The following TNPO3 variants were observed in gnomAD, a reference collection of about 807,000 sequenced individuals.
TNPO3 encodes the protein transportin-3.
A neutral mutation model predicts 122.8 loss-of-function variants in TNPO3; 65 were observed. That is an observed-to-expected ratio of 0.53 (90% CI 0.43 to 0.65). TNPO3 has a LOEUF of 0.65. Among genes scored for constraint, TNPO3 ranks in the 30% least tolerant of loss-of-function variants. TNPO3 has a pLI of 0.00. For synonymous variants in TNPO3, 372 were observed against 411.2 expected (o/e 0.90, Z 1.15); for missense variants, 850 against 1,136.7 (o/e 0.75, Z 3.63).
At chr7:129,024,158 G>A (rs972894458) in intron 1 of TNPO3, among the ~76,000 whole-genome samples, 2 of 152,110 alleles carry the variant, frequency 1.3e-5, no homozygotes, top group Non-Finnish European at 2.9e-5. Flanking sequence ...CTTCTGCCTT[G>A]GTATCCTGAA....
chr7:128,977,316 T>C (rs1027948499), intron 16 of TNPO3, among the ~76,000 whole-genome samples: 1 of 152,222 alleles, frequency 6.6e-6, no homozygotes. Context: ...TATCAAGTTG[T>C]AGTAGACCCA....
chr7:128,959,292 C>T (rs771676876), intron 21 of TNPO3, among the ~76,000 whole-genome samples: 3 of 152,114 alleles, frequency 2.0e-5, no homozygotes, highest in Non-Finnish European at 2.9e-5. Context: ...TGCTGGAGAC[C>T]GAGATTTTTT....
Position 128,972,445 on chromosome 7 carries a change from T to C in TNPO3, c.2411A>G (p.His804Arg). 5.0e-6 allele frequency: 8 copies of C among 1,613,752 alleles called. No individual in the cohort carries two copies. The highest frequency in any genetic ancestry group is 6.8e-6 in the Non-Finnish European group (8 of 1,179,860). ...SVMRFLRDLI[H>R]TGVANDHEED... ...ACTTACATCATTGGCTACCCCTGTA[T>C]GAATGAGGTCTCGTAGAAACCTCAT... The change falls in exon 19 of 23, where the codon CAT (histidine) becomes CGT (arginine). Residue 804 changes from histidine to arginine, a missense_variant. Transcript: ENST00000265388.
At chr7:129,052,813 A>G (rs1808935115) in intron 1 of TNPO3, among the ~76,000 whole-genome samples, 1 of 152,222 alleles carries the variant, frequency 6.6e-6, no homozygotes, top group African/African-American at 2.4e-5. Context: ...AAGCAGGTTT[A>G]ATTAGAAAGA....
At chr7:129,008,790 T>C (rs1010231282) in intron 4 of TNPO3, among the ~76,000 whole-genome samples, 1 of 152,176 alleles carries the variant, frequency 6.6e-6, no homozygotes, top group African/African-American at 2.4e-5. Context: ...ATGCTGTTGA[T>C]ATAAACTCAT....
Position 128,990,056 on chromosome 7 carries a change from C to T in TNPO3, c.1403G>A (p.Arg468His), listed in dbSNP as rs534068313. The change falls in exon 11 of 23, where the codon CGC becomes CAC. Residue 468 changes from arginine (R) to histidine (H), a missense_variant. Physicochemically the swap from Arg to His is conservative, Grantham distance 29. Coordinates refer to ENST00000265388, the MANE Select transcript of TNPO3 (RefSeq NM_012470.4). ...AGCCGTATGTACGGTCTCCGGGAGG[C>T]GGACAACTCCTTCTAGGACTTCCAC... ...TLVEVLEGVV[R>H]LPETVHTAVR... 19 of 1,614,184 alleles carry T rather than the reference C, an allele frequency of 1.2e-5. No individual in the cohort carries two copies. Among genetic ancestry groups the T allele is most frequent in the South Asian group, 7.7e-5 (7 of 91,082 alleles).
intron 22 of TNPO3, among the ~76,000 whole-genome samples, chr7:128,955,977 C>T (rs1796860774): frequency 6.6e-6 from 1 of 152,082 alleles, no homozygotes; most frequent in Non-Finnish European, 1.5e-5. Flanking sequence ...AGTAACAAAT[C>T]CAGAAAAGCA....
At chr7:129,002,486 A>G (rs1323196529) in intron 5 of TNPO3, among the ~76,000 whole-genome samples, 2 of 152,256 alleles carry the variant, frequency 1.3e-5, no homozygotes, top group Non-Finnish European at 2.9e-5. Context: ...ATTTTTTTAA[A>G]AGGATATTTA....
intron 5 of TNPO3, among the ~76,000 whole-genome samples, chr7:129,003,271 AT>A (rs1207253168): frequency 6.8e-6 from 1 of 146,240 alleles, no homozygotes; most frequent in Non-Finnish European, 1.5e-5. Flanking sequence ...ATTCTTTTGT[AT>A]ATATGAAGTA....
At chr7:129,023,308 CCACT>C (rs1804751106) in intron 1 of TNPO3, among the ~76,000 whole-genome samples, 1 of 151,716 alleles carries the variant, frequency 6.6e-6, no homozygotes, top group Non-Finnish European at 1.5e-5. Flanking sequence ...GTATTTATAC[CCACT>C]ATTTATATAC....
chr7:128,970,013 A>T, intron 20 of TNPO3, 135 bp downstream of exon 20: 1 of 900,428 alleles, frequency 1.1e-6, no homozygotes, highest in Non-Finnish European at 1.7e-6. Flanking sequence ...CTACCAATCT[A>T]ATTTGGCAAT....
chr7:129,051,145 T>A (rs1200700797), intron 1 of TNPO3, among the ~76,000 whole-genome samples: 2 of 147,448 alleles, frequency 1.4e-5, no homozygotes, highest in Non-Finnish European at 1.5e-5. Context: ...AACAAAATGT[T>A]AAAAAAAAAA....
chr7:128,970,435 T>G, intron 19 of TNPO3, 120 bp from the exon 20 acceptor site: 35 of 841,038 alleles, frequency 4.2e-5, no homozygotes, highest in Non-Finnish European at 5.6e-5. Context: ...TGTGCACGCG[T>G]GGCTGTGTGT....
intron 20 of TNPO3, among the ~76,000 whole-genome samples, chr7:128,967,765 C>T (rs1478438171): frequency 2.0e-5 from 3 of 151,856 alleles, no homozygotes; most frequent in East Asian, 1.9e-4. Flanking sequence ...CACACACACA[C>T]TCGCTCTCTC....
chr7:128,968,693 C>T (rs1191200850), intron 20 of TNPO3, among the ~76,000 whole-genome samples: 1 of 152,064 alleles, frequency 6.6e-6, no homozygotes, highest in East Asian at 1.9e-4. Context: ...CTTAAAAATA[C>T]ATAATAGTTG....
chr7:128,981,676 G>A (rs1191514647), intron 14 of TNPO3, among the ~76,000 whole-genome samples: 2 of 151,580 alleles, frequency 1.3e-5, no homozygotes, highest in Non-Finnish European at 2.9e-5. Flanking sequence ...GTGAAAGTTT[G>A]GTCTTTTGGT....
chr7:129,027,728 C>T (rs970319352), intron 1 of TNPO3, among the ~76,000 whole-genome samples: 15 of 152,076 alleles, frequency 9.9e-5, no homozygotes, highest in African/African-American at 3.6e-4. Context: ...CTCCACTTTT[C>T]CCCTCATGGC....
intron 4 of TNPO3, among the ~76,000 whole-genome samples, chr7:129,011,772 G>A (rs1315569277): frequency 6.6e-6 from 1 of 152,102 alleles, no homozygotes; most frequent in African/African-American, 2.4e-5. Flanking sequence ...AATAAGTAAA[G>A]TATAACTTCA....
At chr7:128,966,450 C>G (rs570417704) in intron 21 of TNPO3, among the ~76,000 whole-genome samples, 16 of 152,270 alleles carry the variant, frequency 1.1e-4, no homozygotes, top group African/African-American at 3.6e-4. Context: ...GAACACTTAG[C>G]TATAAAATCC....
Sources: gnomAD v4.1 joint callset for allele counts (sites outside exome capture counted in the v4.1 genomes callset) on GRCh38, gnomAD v4.1.1 for gene constraint, MANE v1.5 for transcripts, NCBI Gene and HGNC (gene_info 2026-07-23, HGNC 2026-07-21) for gene names.